The following WWP2 variants were observed in gnomAD, a reference collection of about 807,000 sequenced individuals.
The protein encoded by WWP2 is NEDD4-like E3 ubiquitin-protein ligase WWP2.
Under a neutral mutation model 121.0 loss-of-function variants are expected in WWP2, and 57 were observed. The observed-to-expected ratio is 0.47, with a 90% CI of 0.38 to 0.59. WWP2 has a LOEUF of 0.59. WWP2 is among the 20% of genes least tolerant of loss of function. The pLI is 0.00. For missense variants in WWP2, 962 were observed against 1,158.9 expected, an observed-to-expected ratio of 0.83 and a Z score of 2.47; for synonymous variants, 449 against 441.3, an observed-to-expected ratio of 1.02 and a Z score of -0.22.
chr16:69,887,101 G>T (rs547258022), intron 7 of WWP2, among the ~76,000 whole-genome samples: 2 of 152,174 alleles, frequency 1.3e-5, no homozygotes, highest in African/African-American at 4.8e-5. Context: ...CCTTGTGAAC[G>T]TAAGTGATCA....
At chr16:69,848,725 A>G (rs1012977532) in intron 6 of WWP2, among the ~76,000 whole-genome samples, 3 of 150,738 alleles carry the variant, frequency 2.0e-5, no homozygotes, top group Admixed American at 1.3e-4. Context: ...TATTTAAGCT[A>G]TTTTGTTTAA....
rs1257239187 is a variant in WWP2, at chr16:69,937,534, C to T, written c.2239-14C>T. 13 of 1,613,434 alleles carry T rather than the reference C, an allele frequency of 8.1e-6. No individual in the cohort carries two copies. Among genetic ancestry groups the T allele is most frequent in the African/African-American group, 1.3e-5 (1 of 74,980 alleles). Reference sequence around the variant, plus strand: ...AGGGACCTGCCGGGGATGCTGACTGCCGCCTCTCCCCAGCTGATGCTGTGC... The same window carrying T: ...AGGGACCTGCCGGGGATGCTGACTGTCGCCTCTCCCCAGCTGATGCTGTGC... On this transcript the variant is annotated splice_polypyrimidine_tract_variant and intron_variant, in intron 20 of 23. Transcript: ENST00000359154. The surrounding 1 kb of genome is among the most constrained non-coding windows in gnomAD (Gnocchi z 6.6).
rs760571421 is a variant in WWP2, at chr16:69,786,974, C to A, written c.-15-22C>A. Reference sequence around the variant, plus strand: ...CTTCTTATCAGATATTCTCTGAATTCTTTTTTCTGTTTGTCTTACAGCTTC... The same window carrying A: ...CTTCTTATCAGATATTCTCTGAATTATTTTTTCTGTTTGTCTTACAGCTTC... On this transcript the variant is annotated intron_variant, in intron 1 of 23. Transcript: ENST00000359154. 5.0e-6 allele frequency: 8 copies of A among 1,585,570 alleles called. No homozygotes were observed. In the Admixed American group the frequency reaches 9.0e-5, roughly 18 times the overall value.
At chr16:69,827,598 T>G (rs1292500201) in intron 4 of WWP2, among the ~76,000 whole-genome samples, 2 of 152,226 alleles carry the variant, frequency 1.3e-5, no homozygotes, top group Non-Finnish European at 2.9e-5. Context: ...GACTCCTACA[T>G]TTTGCTCTGC....
intron 1 of WWP2, among the ~76,000 whole-genome samples, chr16:69,784,091 CTTTTTTTTT>C (rs61650147): frequency 0.014 from 844 of 60,962 alleles, 7 homozygotes; most frequent in South Asian, 0.024. Flanking sequence ...TTCTTTCTTT[CTTTTTTTTT>C]TTTTTTTTTT....
rs114735867 is a variant in WWP2, at chr16:69,935,268, C to T, written c.1843-585C>T. 8.4e-3 allele frequency among the ~76,000 whole-genome samples: 1,279 copies of T among 152,300 alleles called. 25 individuals carry two copies. The highest frequency in any genetic ancestry group is 0.029 in the African/African-American group (1,211 of 41,566). On this transcript the variant is annotated intron_variant, in intron 17 of 23. Transcript: ENST00000359154. The surrounding 1 kb of genome is among the most constrained non-coding windows in gnomAD (Gnocchi z 5.2). ...AGCCTGTGACTAAATATGGCCGGCC[C>T]TTCCCATCGTCGAGGAGTTCTTGGC...
At chr16:69,939,207 G>A (rs538222410) in intron 22 of WWP2, 84 bp downstream of exon 22, 2 of 1,556,288 alleles carry the variant, frequency 1.3e-6, no homozygotes, top group Non-Finnish European at 1.8e-6. Flanking sequence ...CTTCCTGGAA[G>A]CACGTCAGTG....
rs1354270902 is a variant in WWP2, at chr16:69,925,653, C to G, written c.1234+169C>G. On this transcript the variant is annotated intron_variant, in intron 11 of 23. Coordinates refer to ENST00000359154, the MANE Select transcript of WWP2 (RefSeq NM_001270454.2). This position sits in a 1 kb window ranked among gnomAD's most constrained non-coding sequence, Gnocchi z 4.0. ...ACCAGAGCAATTACAGGTGATGGAG[C>G]TGGGCAGCTGGGAAAGTAACCAAGC... 6.6e-6 allele frequency among the ~76,000 whole-genome samples: 1 copy of G among 152,216 alleles called. No homozygotes were observed. The highest frequency in any genetic ancestry group is 1.5e-5 in the Non-Finnish European group (1 of 68,040).
At chr16:69,795,259 TACACACACACAC>T (rs10578834) in intron 2 of WWP2, among the ~76,000 whole-genome samples, 14 of 92,964 alleles carry the variant, frequency 1.5e-4, no homozygotes, top group South Asian at 3.2e-4. Flanking sequence ...AAAATGCGGA[TACACACACACAC>T]ACACACACAC....
intron 4 of WWP2, among the ~76,000 whole-genome samples, chr16:69,812,477 C>CGGGGG: frequency 8.3e-6 from 1 of 119,890 alleles, no homozygotes; most frequent in East Asian, 2.4e-4. Context: ...AACCCCCCCC[C>CGGGGG]TTTTTTTTTT....
rs1180568357 is a variant in WWP2 at position 69,931,832 on chromosome 16, C to T, written c.1624C>T (p.Arg542Cys). The change falls in exon 16 of 24, where the codon CGC becomes TGC. Residue 542 changes from arginine to cysteine, a missense_variant. Physicochemically the swap from Arg to Cys is radical, Grantham distance 180. This residue lies in a region of WWP2 where 606 missense variants were observed against 772.6 expected (regional missense o/e 0.78). Coordinates refer to ENST00000359154, the MANE Select transcript of WWP2 (RefSeq NM_001270454.2). ...GAACATGAAACCCTATGACCTGCGC[C>T]GCCGGCTCTACATCATCATGCGTGG... The part of the protein sequence containing the change: ...IMNMKPYDLR[R>C]RLYIIMRGEE... 11 of 1,613,764 alleles carry T rather than the reference C, an allele frequency of 6.8e-6. No homozygotes were observed. Among genetic ancestry groups the T allele is most frequent in the South Asian group, 6.6e-5 (6 of 91,074 alleles).
intron 21 of WWP2, among the ~76,000 whole-genome samples, chr16:69,938,722 T>C (rs1325189418): frequency 6.6e-6 from 1 of 152,216 alleles, no homozygotes; most frequent in African/African-American, 2.4e-5. Flanking sequence ...TTATACCCAT[T>C]AAGCAGTCAC....
chr16:69,936,334 G>T lies in WWP2; in HGVS notation c.1999G>T (p.Gly667Cys), dbSNP rs551616659. Reference protein sequence around the residue: ...WIKENNLEECGLELYFIQDME... With the variant: ...WIKENNLEECCLELYFIQDME... ...CAGAGAGAACAACCTGGAAGAATGT[G>T]GCCTGGAGCTGTACTTCATCCAGGA... The change falls in exon 19 of 24, where the codon GGC (glycine) becomes TGC (cysteine). Residue 667 changes from glycine (G) to cysteine (C), a missense_variant. By Grantham distance (159) the Gly-to-Cys change is radical. Coordinates refer to ENST00000359154, the MANE Select transcript of WWP2 (RefSeq NM_001270454.2). The T allele has an allele frequency of 2.0e-5, 33 of 1,614,118 alleles. No homozygotes were observed. The East Asian group carries it at 7.4e-4, about 36-fold the overall frequency.
intron 4 of WWP2, among the ~76,000 whole-genome samples, chr16:69,837,960 C>T (rs1348827350): frequency 2.0e-5 from 3 of 152,098 alleles, no homozygotes; most frequent in African/African-American, 7.2e-5. Context: ...CGGTGGCTCA[C>T]TCCTGTAATC....
intron 4 of WWP2, among the ~76,000 whole-genome samples, chr16:69,828,375 A>G (rs981895858): frequency 6.6e-6 from 1 of 151,508 alleles, no homozygotes; most frequent in Non-Finnish European, 1.5e-5. Context: ...TTTTTTATTA[A>G]TTTTCTTTGA....
intron 9 of WWP2, among the ~76,000 whole-genome samples, chr16:69,912,306 C>CA (rs2058390624): frequency 6.9e-6 from 1 of 145,934 alleles, no homozygotes; most frequent in African/African-American, 2.5e-5. Context: ...AAAAACAAAA[C>CA]AAAACCTCAT....
chr16:69,935,874 A>G lies in WWP2; in HGVS notation c.1864A>G (p.Ile622Val). ...CCAGGCGCTGTACCATGGAAAGTTCATCGACACGGGCTTCACCCTCCCTTT... is the reference window on the plus strand; with the variant it reads ...CCAGGCGCTGTACCATGGAAAGTTCGTCGACACGGGCTTCACCCTCCCTTT... ...IAMALYHGKF[I>V]DTGFTLPFYK... is the part of the protein sequence containing the mutation. Residue 622 changes from isoleucine to valine, a missense_variant, in exon 18 of 24, where the codon ATC becomes GTC. Ile to Val is a conservative substitution (Grantham distance 29). Coordinates refer to ENST00000359154, the MANE Select transcript of WWP2 (RefSeq NM_001270454.2). This position sits in a 1 kb window ranked among gnomAD's most constrained non-coding sequence, Gnocchi z 5.2. 6.2e-7 allele frequency: 1 copy of G among 1,613,836 alleles called. No homozygotes were observed. The highest frequency in any genetic ancestry group is 8.5e-7 in the Non-Finnish European group (1 of 1,179,918).
intron 6 of WWP2, among the ~76,000 whole-genome samples, chr16:69,858,754 G>A (rs1329525129): frequency 6.6e-6 from 1 of 152,210 alleles, no homozygotes; most frequent in Non-Finnish European, 1.5e-5. Flanking sequence ...TGTAAAGTCC[G>A]TGTACTTCAA....
At chr16:69,890,588 G>A (rs914154353) in intron 8 of WWP2, among the ~76,000 whole-genome samples, 1 of 152,302 alleles carries the variant, frequency 6.6e-6, no homozygotes, top group East Asian at 1.9e-4. Flanking sequence ...AGAGAAAATG[G>A]CCGCCTGTGT....
Sources: gnomAD v4.1 joint callset for allele counts (sites outside exome capture counted in the v4.1 genomes callset) on GRCh38, gnomAD v4.1.1 for gene constraint, gnomAD v4.1.1 regional missense constraint, Gnocchi (gnomAD v3.1) non-coding constraint, MANE v1.5 for transcripts, NCBI Gene and HGNC (gene_info 2026-07-23, HGNC 2026-07-21) for gene names.